Variants in STAB2 observed in about 807,000 individuals in gnomAD.
STAB2 encodes the protein stabilin-2.
In STAB2, 288 loss-of-function variants were observed where a neutral mutation model predicts 338.1. That is an observed-to-expected ratio of 0.85 (90% confidence interval 0.77 to 0.94). The LOEUF is 0.94. Ranked by LOEUF, STAB2 falls within the 40% of genes least tolerant of loss-of-function variation. The pLI, the probability that STAB2 is intolerant of heterozygous loss-of-function variation, is 0.00. For synonymous variants in STAB2, 1,202 were observed against 1,193.3 expected (o/e 1.01, Z -0.15); for missense variants, 3,141 against 3,210.1 (o/e 0.98, Z 0.52).
intron 57 of STAB2, among the ~76,000 whole-genome samples, chr12:103,745,880 G>A (rs985958382): frequency 5.3e-5 from 8 of 152,314 alleles, no homozygotes; most frequent in Admixed American, 2.0e-4. Context: ...GCCATAGCTC[G>A]ATCCTTACTA....
intron 3 of STAB2, among the ~76,000 whole-genome samples, chr12:103,605,814 C>T (rs1444833641): frequency 6.6e-6 from 1 of 151,746 alleles, no homozygotes; most frequent in African/African-American, 2.4e-5. Context: ...TGTTAGTGTG[C>T]TTTTTTCTCT....
chr12:103,754,758 T>G (rs1883964997), intron 61 of STAB2, among the ~76,000 whole-genome samples: 1 of 152,118 alleles, frequency 6.6e-6, no homozygotes, highest in African/African-American at 2.4e-5. Flanking sequence ...AAGACCAGCC[T>G]GATCATGGAG....
At position 103,652,660 on chromosome 12, in the gene STAB2, C is replaced by G; in HGVS notation, c.1362C>G (p.Phe454Leu). The G allele has an allele frequency of 6.2e-7, 1 of 1,604,910 alleles. No individual in the cohort carries two copies. Among genetic ancestry groups the G allele is most frequent in the South Asian group, 1.1e-5 (1 of 87,902 alleles). ...NIEYMNNTDM[F>L]YTLTGKSGEI... ...AATATATGAATAACACAGACATGTT[C>G]TACACCTTGACTGGAAAGTCGGGGG... The change falls in exon 12 of 69, where the codon TTC becomes TTG. Residue 454 changes from phenylalanine (F) to leucine (L), a missense_variant. Phe to Leu is a conservative substitution (Grantham distance 22, BLOSUM62 0). Transcript: ENST00000388887.
Position 103,690,411 on chromosome 12 carries a change from A to C in STAB2, c.3183-13A>C. On this transcript the variant is annotated splice_polypyrimidine_tract_variant and intron_variant, in intron 29 of 68. Coordinates refer to ENST00000388887, the MANE Select transcript of STAB2 (RefSeq NM_017564.10). ...TTATATTGAATTATAGCCTTTGTGGACTATTGTTTCAGGTACCATATGCTA... is the reference window on the plus strand; with the variant it reads ...TTATATTGAATTATAGCCTTTGTGGCCTATTGTTTCAGGTACCATATGCTA... The C allele has an allele frequency of 6.3e-7, 1 of 1,597,086 alleles. No homozygotes were observed.
intron 3 of STAB2, among the ~76,000 whole-genome samples, chr12:103,614,267 T>G (rs1565961655): frequency 6.6e-6 from 1 of 152,210 alleles, no homozygotes; most frequent in Non-Finnish European, 1.5e-5. Context: ...TGTTAGAGAT[T>G]TGTTGCCATT....
intron 40 of STAB2, 51 bp from the exon 41 acceptor site, chr12:103,712,316 T>G: frequency 7.3e-7 from 1 of 1,370,004 alleles, no homozygotes; most frequent in Admixed American, 1.7e-5. Flanking sequence ...AGTCATGTGG[T>G]GGGAGGTGGA....
intron 24 of STAB2, among the ~76,000 whole-genome samples, chr12:103,677,226 A>G (rs924158175): frequency 3.9e-5 from 6 of 152,252 alleles, no homozygotes; most frequent in Non-Finnish European, 8.8e-5. Context: ...CCCTGGCTTA[A>G]TAACTAACAC....
In STAB2 at chr12:103,711,432, A is replaced by G. The variant is rs543225674; in HGVS notation, c.4289-39A>G. 2.4e-5 allele frequency: 39 copies of G among 1,613,284 alleles called. No homozygotes were observed. In the East Asian group the frequency reaches 8.7e-4, roughly 36 times the overall value. The stretch of plus-strand genomic sequence containing the variant: ...TACTAAAAATCCTCAGGTGAGATTT[A>G]GTAAGAGGGCTAAGACAGCAACTGG... On this transcript the variant is annotated intron_variant, in intron 39 of 68. Coordinates refer to ENST00000388887, the MANE Select transcript of STAB2 (RefSeq NM_017564.10).
At chr12:103,764,602 G>A (rs548372988) in intron 68 of STAB2, among the ~76,000 whole-genome samples, 1 of 152,152 alleles carries the variant, frequency 6.6e-6, no homozygotes, top group Non-Finnish European at 1.5e-5. Context: ...TATAAAAGGA[G>A]AGAAATGTTT....
chr12:103,674,045 G>C lies in STAB2; in HGVS notation c.2510G>C (p.Cys837Ser). Residue 837 changes from cysteine (C) to serine (S), a missense_variant, in exon 23 of 69, where the codon TGT becomes TCT. Transcript: ENST00000388887. Reference sequence around the variant, plus strand: ...GCCTGTGGGCCCTACGTGCAGTTCTGTCACATCCACGCCACCTGTGAATAC... The same window carrying C: ...GCCTGTGGGCCCTACGTGCAGTTCTCTCACATCCACGCCACCTGTGAATAC... Reference protein sequence around the residue: ...TSACGPYVQFCHIHATCEYSN... With the variant: ...TSACGPYVQFSHIHATCEYSN... 1 of 1,613,802 alleles carries C rather than the reference G, an allele frequency of 6.2e-7. No individual in the cohort carries two copies. Among genetic ancestry groups the C allele is most frequent in the Middle Eastern group, 1.6e-4 (1 of 6,062 alleles).
intron 25 of STAB2, among the ~76,000 whole-genome samples, chr12:103,680,998 G>T (rs1382991320): frequency 6.6e-6 from 1 of 152,226 alleles, no homozygotes; most frequent in Admixed American, 6.5e-5. Context: ...GCGATCTTGT[G>T]CGAGGCGACA....
chr12:103,650,893 C>T (rs1161416131), intron 11 of STAB2, among the ~76,000 whole-genome samples: 1 of 152,174 alleles, frequency 6.6e-6, no homozygotes, highest in Non-Finnish European at 1.5e-5. Flanking sequence ...ACTGAGTGTT[C>T]TTAACATATA....
In STAB2 at chr12:103,677,351, T is replaced by C. The variant is rs976312684; in HGVS notation, c.2647-102T>C. On this transcript the variant is annotated intron_variant, in intron 24 of 68. Coordinates refer to ENST00000388887, the MANE Select transcript of STAB2 (RefSeq NM_017564.10). ...GCATTTCCACCTCACTCAATGCAAA[T>C]CTGTGTTTCTGGAACATATGTCTGG... The C allele has an allele frequency of 1.0e-5, 15 of 1,440,098 alleles. No homozygotes were observed. In the East Asian group the frequency reaches 3.2e-4, roughly 31 times the overall value. 89.2% of individuals were successfully genotyped at this position (1,440,098 alleles called of 1,614,324 possible). A position where few individuals can be genotyped will look rare whatever the true frequency, so the allele number is the denominator to read the frequency against.
At position 103,677,513 on chromosome 12, in the gene STAB2, G is replaced by A. The variant is rs752443137; in HGVS notation, c.2707G>A (p.Gly903Arg). 4 of 1,614,106 alleles carry A rather than the reference G, an allele frequency of 2.5e-6. No homozygotes were observed. The African/African-American group carries it at 5.3e-5, about 22-fold the overall frequency. The change falls in exon 25 of 69, where the codon GGG becomes AGG. Residue 903 changes from glycine (G) to arginine (R), a missense_variant. Physicochemically the swap from Gly to Arg is moderately radical, Grantham distance 125 (BLOSUM62 -2). Coordinates refer to ENST00000388887, the MANE Select transcript of STAB2 (RefSeq NM_017564.10). ...HTCVCQQGWT[G>R]NGRDCSEINN... ...CTGCGTGTGTCAGCAGGGTTGGACA[G>A]GGAATGGGAGAGACTGCTCGGAGAT... is the stretch of plus-strand genomic sequence containing the variant.
intron 33 of STAB2, among the ~76,000 whole-genome samples, chr12:103,697,649 T>C (rs1878517419): frequency 6.6e-6 from 1 of 152,210 alleles, no homozygotes; most frequent in Admixed American, 6.5e-5. Flanking sequence ...TCTCGGTCCT[T>C]GAATCAAGGT....
intron 42 of STAB2, among the ~76,000 whole-genome samples, chr12:103,715,567 G>A (rs954844855): frequency 1.3e-5 from 2 of 152,050 alleles, no homozygotes; most frequent in African/African-American, 4.8e-5. Context: ...TTTATTCCAC[G>A]GACTGATTTA....
In STAB2 at chr12:103,692,873, T is replaced by C. The variant is rs1173840340; in HGVS notation, c.3359T>C (p.Ile1120Thr). Reference protein sequence around the residue: ...DGDNAATNGVIHIINKVLVPQ... With the variant: ...DGDNAATNGVTHIINKVLVPQ... ...GACAACGCAGCCACAAATGGAGTGA[T>C]ACACATCATCAACAAGGTACAAGAT... Residue 1120 changes from isoleucine to threonine, a missense_variant, in exon 31 of 69, where the codon ATA becomes ACA. Physicochemically the swap from Ile to Thr is moderately conservative, Grantham distance 89 (BLOSUM62 -1). Coordinates refer to ENST00000388887, the MANE Select transcript of STAB2 (RefSeq NM_017564.10). 3.1e-6 allele frequency: 5 copies of C among 1,613,374 alleles called. No homozygotes were observed. Among genetic ancestry groups the C allele is most frequent in the Admixed American group, 3.3e-5 (2 of 59,988 alleles).
At chr12:103,618,537 T>G (rs1024184145) in intron 3 of STAB2, among the ~76,000 whole-genome samples, 37 of 152,284 alleles carry the variant, frequency 2.4e-4, no homozygotes, top group African/African-American at 8.9e-4. Context: ...ACAGGGAAGA[T>G]GTATGGCAGA....
In STAB2 at chr12:103,695,006, G is replaced by A. The variant is rs555257330; in HGVS notation, c.3376-544G>A. Reference sequence around the variant, plus strand: ...AAATTCAGACTGATTTTTTTTAAAGGCAATCTAAATTTATATGTAAAAATG... The same window carrying A: ...AAATTCAGACTGATTTTTTTTAAAGACAATCTAAATTTATATGTAAAAATG... On this transcript the variant is annotated intron_variant, in intron 31 of 68. Coordinates refer to ENST00000388887, the MANE Select transcript of STAB2 (RefSeq NM_017564.10). Among the ~76,000 whole-genome samples, 22 of 152,056 alleles carry A rather than the reference G, an allele frequency of 1.4e-4. No homozygotes were observed. The East Asian group carries it at 2.5e-3, about 17-fold the overall frequency.
Sources: gnomAD v4.1 joint callset for allele counts (sites outside exome capture counted in the v4.1 genomes callset) on GRCh38, gnomAD v4.1.1 for gene constraint, MANE v1.5 for transcripts, NCBI Gene and HGNC (gene_info 2026-07-23, HGNC 2026-07-21) for gene names.